Variants in TNR observed in about 807,000 individuals in gnomAD.
The protein encoded by TNR is tenascin-R.
In TNR, 45 loss-of-function variants were observed where a neutral mutation model predicts 150.4. That is an observed-to-expected ratio of 0.30 (90% CI 0.24 to 0.38). The LOEUF (loss-of-function observed/expected upper bound fraction) is 0.38. Ranked by LOEUF, TNR falls within the 10% of genes least tolerant of loss-of-function variation. The probability of loss-of-function intolerance (pLI) is 1.00; values close to 1 mark genes in which losing one functional copy is unlikely to be tolerated. For missense variants in TNR, 1,544 were observed against 1,759.1 expected (o/e 0.88, Z 2.19); for synonymous variants, 687 against 678.4 (o/e 1.01, Z -0.20).
At chr1:175,579,110 T>A (rs73048393) in intron 1 of TNR, among the ~76,000 whole-genome samples, 2,363 of 151,896 alleles carry the variant, frequency 0.016, 56 homozygotes, top group African/African-American at 0.054. Context: ...CTGAGGTAAG[T>A]CCTCCCTCTC....
chr1:175,480,443 G>GAAAGAAAGAAAGAAAGAAAGAAAGAA (rs199763120), intron 2 of TNR, among the ~76,000 whole-genome samples: 5 of 94,656 alleles, frequency 5.3e-5, no homozygotes, highest in Non-Finnish European at 6.6e-5. Flanking sequence ...AAGAAAGAAA[G>GAAAGAAAGAAAGAAAGAAAGAAAGAA]AGAAAGAAAG....
At chr1:175,619,529 T>G (rs1015395126) in intron 1 of TNR, among the ~76,000 whole-genome samples, 4 of 152,172 alleles carry the variant, frequency 2.6e-5, no homozygotes, top group Admixed American at 2.6e-4. Context: ...CCAACCTGGC[T>G]GGGGAGAAAA....
intron 2 of TNR, among the ~76,000 whole-genome samples, chr1:175,464,009 T>C (rs1441796809): frequency 6.6e-6 from 1 of 152,248 alleles, no homozygotes; most frequent in Non-Finnish European, 1.5e-5. Flanking sequence ...ACCATGGATA[T>C]GCTGTCAAAA....
At chr1:175,738,911 T>A (rs1667847175) in intron 1 of TNR, among the ~76,000 whole-genome samples, 1 of 152,198 alleles carries the variant, frequency 6.6e-6, no homozygotes, top group African/African-American at 2.4e-5. Context: ...TAGCACATCA[T>A]CAAAATGAGG....
At chr1:175,733,380 G>A (rs1667692089) in intron 1 of TNR, among the ~76,000 whole-genome samples, 2 of 152,106 alleles carry the variant, frequency 1.3e-5, no homozygotes, top group South Asian at 4.2e-4. Flanking sequence ...ACTGTCTCCT[G>A]GGCCTTCAGC....
intron 8 of TNR, among the ~76,000 whole-genome samples, chr1:175,383,550 C>T (rs765248261): frequency 1.3e-5 from 2 of 152,202 alleles, no homozygotes; most frequent in Admixed American, 6.5e-5. Context: ...GGCCATGGTG[C>T]ACTTTGTTCA....
intron 2 of TNR, among the ~76,000 whole-genome samples, chr1:175,508,898 G>C (rs560277209): frequency 6.6e-6 from 1 of 152,142 alleles, no homozygotes; most frequent in African/African-American, 2.4e-5. Flanking sequence ...CGACTTTCTT[G>C]TACTTCTCCC....
At chr1:175,464,776 C>T (rs1656958934) in intron 2 of TNR, among the ~76,000 whole-genome samples, 1 of 152,168 alleles carries the variant, frequency 6.6e-6, no homozygotes, top group African/African-American at 2.4e-5. Flanking sequence ...TATTTATATT[C>T]TACTGCCTCC....
At chr1:175,347,647 C>T (rs563968501) in intron 18 of TNR, among the ~76,000 whole-genome samples, 63 of 152,056 alleles carry the variant, frequency 4.1e-4, no homozygotes, top group African/African-American at 1.4e-3. Context: ...AGGCTGTTTT[C>T]GACCACCTGA....
At chr1:175,436,170 T>C (rs1472575356) in intron 2 of TNR, among the ~76,000 whole-genome samples, 1 of 152,212 alleles carries the variant, frequency 6.6e-6, no homozygotes, top group Non-Finnish European at 1.5e-5. Flanking sequence ...ATTTCCTGAA[T>C]CTGAACGTTG....
intron 1 of TNR, among the ~76,000 whole-genome samples, chr1:175,648,228 G>A (rs762239876): frequency 6.6e-6 from 1 of 152,112 alleles, no homozygotes; most frequent in Non-Finnish European, 1.5e-5. Context: ...CAATGCCGCA[G>A]CTATGTTTCT....
rs563520142 is a variant in TNR at position 175,487,235 on chromosome 1, G to C, written c.-64+41034C>G. ...GCAACCTACAGCCCTCGAATGTGCA[G>C]TTCACAATAGGGTGCAAGCTTCTGT... is the stretch of plus-strand genomic sequence containing the variant. On this transcript the variant is annotated intron_variant, in intron 2 of 22. Transcript: ENST00000367674. Among the ~76,000 whole-genome samples, 10 of 152,276 alleles carry C rather than the reference G, an allele frequency of 6.6e-5. No individual in the cohort carries two copies. In the South Asian group the frequency reaches 2.1e-3, roughly 32 times the overall value.
At chr1:175,418,655 C>T (rs1654614790) in intron 2 of TNR, among the ~76,000 whole-genome samples, 1 of 150,760 alleles carries the variant, frequency 6.6e-6, no homozygotes, top group South Asian at 2.1e-4. Context: ...ACCCGGGAGG[C>T]GGAGGTTGCA....
intron 2 of TNR, among the ~76,000 whole-genome samples, chr1:175,430,984 G>A (rs1369211200): frequency 1.3e-5 from 2 of 152,140 alleles, no homozygotes; most frequent in African/African-American, 4.8e-5. Context: ...GCATCCTTAT[G>A]TTGCATATCT....
intron 1 of TNR, among the ~76,000 whole-genome samples, chr1:175,621,412 A>G (rs1480093082): frequency 6.6e-6 from 1 of 151,594 alleles, no homozygotes; most frequent in Non-Finnish European, 1.5e-5. Context: ...TGACACCCCC[A>G]CCACACTCAG....
rs907011242 is a variant in TNR, at chr1:175,636,836, A to T, written c.-165+106390T>A. ...GTCTTTACCTGATGCCTCAGGCAAGAGTCTTGAAAAAAGAATGACAATATG... is the reference window on the plus strand; with the variant it reads ...GTCTTTACCTGATGCCTCAGGCAAGTGTCTTGAAAAAAGAATGACAATATG... On this transcript the variant is annotated intron_variant, in intron 1 of 22. Coordinates refer to ENST00000367674, the MANE Select transcript of TNR (RefSeq NM_003285.3). Among the ~76,000 whole-genome samples the T allele has an allele frequency of 5.9e-5, 9 of 152,234 alleles. 1 individual carries two copies. Among genetic ancestry groups the T allele is most frequent in the Non-Finnish European group, 1.3e-4 (9 of 68,036 alleles).
In TNR at chr1:175,343,120, T is replaced by G. The variant is rs573704649; in HGVS notation, c.3383-5441A>C. Among the ~76,000 whole-genome samples, 25 of 152,278 alleles carry G rather than the reference T, an allele frequency of 1.6e-4. 1 individual carries two copies. The highest frequency in any genetic ancestry group is 1.0e-3 in the Admixed American group (16 of 15,296). ...TTTTTATAGTGTGAATGTGATCTGA[T>G]TTCATCCTATCTTTTACTTGCCCAA... is the stretch of plus-strand genomic sequence containing the variant. On this transcript the variant is annotated intron_variant, in intron 18 of 22. Transcript: ENST00000367674.
At chr1:175,432,212 G>A (rs1461899773) in intron 2 of TNR, among the ~76,000 whole-genome samples, 1 of 152,152 alleles carries the variant, frequency 6.6e-6, no homozygotes, top group African/African-American at 2.4e-5. Context: ...CCCTTGAGAT[G>A]CTGACCCTAT....
chr1:175,533,246 G>T (rs1198616969), intron 1 of TNR, among the ~76,000 whole-genome samples: 1 of 152,186 alleles, frequency 6.6e-6, no homozygotes, highest in Non-Finnish European at 1.5e-5. Flanking sequence ...TCTGTAAGAT[G>T]GGAATAATAA....
Sources: allele counts gnomAD v4.1 joint callset (sites outside exome capture counted in the v4.1 genomes callset), GRCh38; gene constraint gnomAD v4.1.1; transcripts MANE v1.5; gene names NCBI Gene and HGNC (gene_info 2026-07-23, HGNC 2026-07-21).